The following GABRB2 variants were observed in gnomAD, a reference collection of about 807,000 sequenced individuals.
GABRB2 encodes the protein gamma-aminobutyric acid type A receptor subunit beta2.
GABRB2 carries 16 observed loss-of-function variants against 54.7 expected under a neutral mutation model. The observed-to-expected ratio is 0.29, with a 90% CI of 0.20 to 0.44. The LOEUF (loss-of-function observed/expected upper bound fraction) is 0.44, where lower values mean the gene tolerates loss of function less well. GABRB2 is among the 20% of genes least tolerant of loss of function. The probability of loss-of-function intolerance (pLI) is 1.00; values close to 1 mark genes in which losing one functional copy is unlikely to be tolerated. For synonymous variants in GABRB2, 244 were observed against 233.8 expected, an observed-to-expected ratio of 1.04 and a Z score of -0.40; for missense variants, 355 against 644.0, an observed-to-expected ratio of 0.55 and a Z score of 4.86.
intron 3 of GABRB2, among the ~76,000 whole-genome samples, chr5:161,463,521 T>C (rs550222708): frequency 1.9e-4 from 26 of 140,276 alleles, no homozygotes; most frequent in Admixed American, 1.6e-3. Flanking sequence ...ATTTTTTTTG[T>C]AGATGTTGAC....
At chr5:161,302,611 C>T (rs1161336040) in intron 9 of GABRB2, among the ~76,000 whole-genome samples, 1 of 152,146 alleles carries the variant, frequency 6.6e-6, no homozygotes, top group African/African-American at 2.4e-5. Context: ...TCCAAGAAAT[C>T]CTAACTGTGA....
At chr5:161,443,062 T>A (rs1757512628) in intron 4 of GABRB2, among the ~76,000 whole-genome samples, 1 of 152,144 alleles carries the variant, frequency 6.6e-6, no homozygotes, top group African/African-American at 2.4e-5. Flanking sequence ...CATAAAATTG[T>A]GTCTGCAATA....
chr5:161,345,100 G>A (rs1008214736), intron 5 of GABRB2, among the ~76,000 whole-genome samples: 4 of 151,944 alleles, frequency 2.6e-5, no homozygotes, highest in South Asian at 2.1e-4. Context: ...GTTGATGACC[G>A]GTTGATGGGT....
At chr5:161,358,222 G>A (rs1197773254) in intron 5 of GABRB2, among the ~76,000 whole-genome samples, 1 of 152,150 alleles carries the variant, frequency 6.6e-6, no homozygotes, top group Non-Finnish European at 1.5e-5. Flanking sequence ...AAGGAGTGGA[G>A]GCTAAGGAAC....
intron 3 of GABRB2, among the ~76,000 whole-genome samples, chr5:161,492,245 AAAT>A (rs997271595): frequency 6.6e-6 from 1 of 151,690 alleles, no homozygotes; most frequent in Non-Finnish European, 1.5e-5. Flanking sequence ...AGTAATTAAA[AAAT>A]AATCCTCCAT....
chr5:161,359,285 T>G (rs2113448727), intron 5 of GABRB2, among the ~76,000 whole-genome samples: 1 of 152,340 alleles, frequency 6.6e-6, no homozygotes, highest in Non-Finnish European at 1.5e-5. Flanking sequence ...TGTCATTTTC[T>G]TGTCCTTCAC....
intron 4 of GABRB2, among the ~76,000 whole-genome samples, chr5:161,451,147 C>T (rs1757779297): frequency 1.3e-5 from 2 of 152,082 alleles, no homozygotes; most frequent in Admixed American, 1.3e-4. Context: ...TAAAATCCTG[C>T]CTGTCTAAAT....
chr5:161,412,509 C>T (rs1027260999), intron 4 of GABRB2, among the ~76,000 whole-genome samples: 5 of 152,188 alleles, frequency 3.3e-5, no homozygotes, highest in African/African-American at 1.2e-4. Flanking sequence ...CCCCACTAAA[C>T]ATTATCCACA....
intron 3 of GABRB2, among the ~76,000 whole-genome samples, chr5:161,478,181 C>T (rs1445320874): frequency 3.3e-5 from 5 of 152,042 alleles, no homozygotes; most frequent in Admixed American, 6.6e-5. Context: ...GCAGAGAGAT[C>T]GGTTTGTTCA....
intron 3 of GABRB2, among the ~76,000 whole-genome samples, chr5:161,473,440 C>T (rs184299028): frequency 5.9e-5 from 9 of 151,874 alleles, no homozygotes; most frequent in Non-Finnish European, 1.0e-4. Context: ...GTACTTACCT[C>T]GAGGAGGAAA....
Position 161,293,921 on chromosome 5 carries a change from G to A in GABRB2, c.*160C>T, listed in dbSNP as rs940507609. The A allele has an allele frequency of 1.1e-5, 7 of 622,604 alleles. No homozygotes were observed. The highest frequency in any genetic ancestry group is 8.9e-5 in the Admixed American group (3 of 33,792). 38.6% of individuals were successfully genotyped at this position (622,604 alleles called of 1,614,324 possible). On this transcript the variant is annotated 3_prime_UTR_variant, in exon 10 of 10. Coordinates refer to ENST00000393959, the MANE Select transcript of GABRB2 (RefSeq NM_001371727.1). ...TTAGTGTATTCATTACTTAGCAGAA[G>A]CAACCCAAATGGTATGAAATGGACC...
At chr5:161,469,042 T>A (rs1758359940) in intron 3 of GABRB2, among the ~76,000 whole-genome samples, 1 of 151,904 alleles carries the variant, frequency 6.6e-6, no homozygotes, top group African/African-American at 2.4e-5. Context: ...GCACAATATG[T>A]CCCAATTTGG....
At chr5:161,461,312 G>C (rs772522169) in intron 3 of GABRB2, among the ~76,000 whole-genome samples, 1 of 152,100 alleles carries the variant, frequency 6.6e-6, no homozygotes, top group Non-Finnish European at 1.5e-5. Flanking sequence ...CCAGCCTTAC[G>C]GACAAGTAGG....
chr5:161,350,534 A>G (rs540120149), intron 5 of GABRB2, among the ~76,000 whole-genome samples: 24 of 152,182 alleles, frequency 1.6e-4, no homozygotes, highest in Non-Finnish European at 3.5e-4. Context: ...TACATCGAAG[A>G]TAATACAAAG....
intron 5 of GABRB2, among the ~76,000 whole-genome samples, chr5:161,390,160 A>G (rs1380106887): frequency 6.6e-6 from 1 of 152,046 alleles, no homozygotes. Context: ...GTTGACCTTT[A>G]CGTGGCCAAA....
intron 5 of GABRB2, among the ~76,000 whole-genome samples, chr5:161,346,504 G>A (rs914397412): frequency 2.0e-5 from 3 of 152,118 alleles, no homozygotes; most frequent in African/African-American, 7.2e-5. Flanking sequence ...CTAATAAGAG[G>A]TAACAGAGAA....
intron 3 of GABRB2, among the ~76,000 whole-genome samples, chr5:161,544,047 A>T (rs1760896077): frequency 6.6e-6 from 1 of 152,212 alleles, no homozygotes. Flanking sequence ...TCTTATCTTT[A>T]GACAGTGTAT....
chr5:161,489,331 A>G (rs1238923541), intron 3 of GABRB2, among the ~76,000 whole-genome samples: 1 of 151,710 alleles, frequency 6.6e-6, no homozygotes, highest in African/African-American at 2.4e-5. Context: ...TGAGGCAGAT[A>G]ATAATGGGTA....
chr5:161,337,776 A>C (rs1038843600), intron 5 of GABRB2, among the ~76,000 whole-genome samples: 1 of 152,080 alleles, frequency 6.6e-6, no homozygotes, highest in Non-Finnish European at 1.5e-5. Flanking sequence ...TATCTTACAA[A>C]TTCACCCACC....
Sources: gnomAD v4.1 joint callset for allele counts (sites outside exome capture counted in the v4.1 genomes callset) on GRCh38, gnomAD v4.1.1 for gene constraint, MANE v1.5 for transcripts, NCBI Gene and HGNC (gene_info 2026-07-23, HGNC 2026-07-21) for gene names.